MTUS2: variants seen among roughly 807,000 people sequenced by gnomAD.
The protein encoded by MTUS2 is microtubule associated scaffold protein 2.
Under a neutral mutation model 114.1 loss-of-function variants are expected in MTUS2, and 40 were observed. The observed-to-expected ratio is 0.35, with a 90% CI of 0.27 to 0.46. The LOEUF (loss-of-function observed/expected upper bound fraction) is 0.46, where lower values mean the gene tolerates loss of function less well. Ranked by LOEUF, MTUS2 falls within the 20% of genes least tolerant of loss-of-function variation. The pLI, the probability that MTUS2 is intolerant of heterozygous loss-of-function variation, is 1.00. For synonymous variants in MTUS2, 688 were observed against 672.0 expected (o/e 1.02, Z -0.37); for missense variants, 1,679 against 1,705.4 (o/e 0.98, Z 0.27).
chr13:29,345,932 G>A lies in MTUS2; in HGVS notation c.2906-13330G>A, dbSNP rs1387802447. ...GTAGTTATTGTTATATTTTTTCTGG[G>A]TCTAGCCACCTAGCTGAGCTACCAG... On this transcript the variant is annotated intron_variant, in intron 7 of 15. Coordinates refer to ENST00000612955, the MANE Select transcript of MTUS2 (RefSeq NM_001033602.4). Among the ~76,000 whole-genome samples the A allele has an allele frequency of 2.0e-5, 3 of 151,900 alleles. No individual in the cohort carries two copies. The South Asian group carries it at 6.2e-4, about 32-fold the overall frequency.
At chr13:28,980,402 C>A (rs1386472120) in intron 2 of MTUS2, among the ~76,000 whole-genome samples, 7 of 152,202 alleles carry the variant, frequency 4.6e-5, no homozygotes, top group African/African-American at 1.7e-4. Context: ...GCCCCACAGG[C>A]CAACATGCTA....
chr13:29,032,452 A>C (rs1376039213), intron 3 of MTUS2, among the ~76,000 whole-genome samples: 2 of 152,186 alleles, frequency 1.3e-5, no homozygotes, highest in African/African-American at 4.8e-5. Flanking sequence ...TGGGACCCAA[A>C]ATTTAGAAAC....
intron 6 of MTUS2, among the ~76,000 whole-genome samples, chr13:29,300,401 G>A (rs1355085550): frequency 6.6e-6 from 1 of 152,134 alleles, no homozygotes; most frequent in African/African-American, 2.4e-5. Flanking sequence ...GAGGAGCTAT[G>A]GGAGCTTGTC....
intron 5 of MTUS2, among the ~76,000 whole-genome samples, chr13:29,173,284 C>T (rs1237884536): frequency 6.6e-6 from 1 of 152,076 alleles, no homozygotes; most frequent in East Asian, 1.9e-4. Flanking sequence ...TTTCAAGTCC[C>T]AGGTTATGTA....
At chr13:29,256,407 C>A (rs1443429982) in intron 5 of MTUS2, among the ~76,000 whole-genome samples, 1 of 152,154 alleles carries the variant, frequency 6.6e-6, no homozygotes, top group African/African-American at 2.4e-5. Context: ...CCCTGTAAGA[C>A]GAGGTCTGTG....
At chr13:29,386,154 T>C (rs551889172) in intron 8 of MTUS2, among the ~76,000 whole-genome samples, 82 of 152,268 alleles carry the variant, frequency 5.4e-4, no homozygotes, top group African/African-American at 1.9e-3. Context: ...TCAGGAAAAA[T>C]CTTTCCTTTT....
intron 8 of MTUS2, among the ~76,000 whole-genome samples, chr13:29,419,887 C>G (rs1875949933): frequency 6.6e-6 from 1 of 152,124 alleles, no homozygotes; most frequent in African/African-American, 2.4e-5. Context: ...ATTAATTAAA[C>G]AAAAAATTGA....
At chr13:29,206,966 G>A (rs11617847) in intron 5 of MTUS2, among the ~76,000 whole-genome samples, 1 of 151,966 alleles carries the variant, frequency 6.6e-6, no homozygotes, top group Admixed American at 6.5e-5. Context: ...ATTTTGATGG[G>A]AATTGCATTA....
intron 4 of MTUS2, among the ~76,000 whole-genome samples, chr13:29,080,269 G>A (rs2138725828): frequency 6.6e-6 from 1 of 152,214 alleles, no homozygotes. Flanking sequence ...TTTTTATAAA[G>A]TAGTTTGGTA....
At chr13:28,857,299 C>T (rs147729173) in intron 2 of MTUS2, among the ~76,000 whole-genome samples, 111 of 152,206 alleles carry the variant, frequency 7.3e-4, no homozygotes, top group African/African-American at 2.6e-3. Context: ...ACTAGTGATT[C>T]GTCTTTTTAA....
chr13:29,278,195 T>C (rs1898136030), intron 5 of MTUS2, among the ~76,000 whole-genome samples: 1 of 152,200 alleles, frequency 6.6e-6, no homozygotes, highest in South Asian at 2.1e-4. Flanking sequence ...AACAGAACTT[T>C]AAAATTTTTC....
chr13:29,395,805 G>A (rs937307103), intron 8 of MTUS2, among the ~76,000 whole-genome samples: 2 of 152,048 alleles, frequency 1.3e-5, no homozygotes, highest in Non-Finnish European at 2.9e-5. Context: ...ATTATGCTAG[G>A]GGCACACTGT....
chr13:29,421,895 C>T (rs959997305), intron 8 of MTUS2, among the ~76,000 whole-genome samples: 4 of 151,980 alleles, frequency 2.6e-5, no homozygotes, highest in Admixed American at 2.6e-4. Context: ...GAAAGGAATT[C>T]CAAGTTTAAG....
chr13:29,234,687 G>A (rs931017182), intron 5 of MTUS2, among the ~76,000 whole-genome samples: 8 of 150,008 alleles, frequency 5.3e-5, no homozygotes, highest in African/African-American at 1.5e-4. Flanking sequence ...CCTTCATTTC[G>A]TGGATTAGTC....
At chr13:29,334,896 A>T (rs1414390371) in intron 7 of MTUS2, among the ~76,000 whole-genome samples, 1 of 152,114 alleles carries the variant, frequency 6.6e-6, no homozygotes, top group African/African-American at 2.4e-5. Flanking sequence ...TAATCTCTTA[A>T]TCCTGTCATC....
intron 8 of MTUS2, among the ~76,000 whole-genome samples, chr13:29,404,890 T>A: frequency 6.6e-6 from 1 of 152,216 alleles, no homozygotes; most frequent in East Asian, 1.9e-4. Context: ...GGTTTCCTTC[T>A]GCTGTGCCTG....
intron 5 of MTUS2, among the ~76,000 whole-genome samples, chr13:29,275,879 A>G (rs773798014): frequency 1.3e-5 from 2 of 152,202 alleles, no homozygotes; most frequent in Non-Finnish European, 2.9e-5. Context: ...TCTTTTGGGT[A>G]TGTACTTAGG....
At chr13:29,140,157 C>A (rs755475192) in intron 5 of MTUS2, among the ~76,000 whole-genome samples, 3 of 152,130 alleles carry the variant, frequency 2.0e-5, no homozygotes, top group Non-Finnish European at 4.4e-5. Context: ...TGCATAAAAT[C>A]TCTCCTGATT....
intron 8 of MTUS2, among the ~76,000 whole-genome samples, chr13:29,402,966 A>G (rs1430096355): frequency 6.6e-6 from 1 of 151,956 alleles, no homozygotes; most frequent in African/African-American, 2.4e-5. Context: ...CAATCTCCTG[A>G]CCTCGTGATC....
Sources: allele counts gnomAD v4.1 joint callset (sites outside exome capture counted in the v4.1 genomes callset), GRCh38; gene constraint gnomAD v4.1.1; transcripts MANE v1.5; gene names NCBI Gene and HGNC (gene_info 2026-07-23, HGNC 2026-07-21).